TSEN34: variants seen among roughly 807,000 people sequenced by gnomAD.
TSEN34 encodes tRNA-splicing endonuclease subunit Sen34.
A neutral mutation model predicts 30.2 loss-of-function variants in TSEN34; 25 were observed. That is an observed-to-expected ratio of 0.83 (90% CI 0.60 to 1.16). The LOEUF (loss-of-function observed/expected upper bound fraction) is 1.16, where lower values mean the gene tolerates loss of function less well. TSEN34 is among the 50% of genes most tolerant of loss of function. TSEN34 has a pLI of 0.00. For synonymous variants in TSEN34, 209 were observed against 177.4 expected, an observed-to-expected ratio of 1.18 and a Z score of -1.41; for missense variants, 475 against 411.9, an observed-to-expected ratio of 1.15 and a Z score of -1.33.
At position 54,192,145 on chromosome 19, in the gene TSEN34, A is replaced by G. The variant is rs771289701; in HGVS notation, c.517A>G (p.Asn173Asp). ...GPSSSQAGPS[N>D]GVAPLPRSAL... is the part of the protein sequence containing the mutation. ...CTCGTCTTCCCAAGCAGGACCCTCA[A>G]ATGGGGTAGCCCCCTTGCCCAGATC... is the stretch of plus-strand genomic sequence containing the variant. Residue 173 changes from asparagine (N) to aspartate (D), a missense_variant, in exon 3 of 4, where the codon AAT becomes GAT. Physicochemically the swap from Asn to Asp is conservative, Grantham distance 23. Transcript: ENST00000396388. 2 of 1,614,180 alleles carry G rather than the reference A, an allele frequency of 1.2e-6. No homozygotes were observed. Among genetic ancestry groups the G allele is most frequent in the Admixed American group, 3.3e-5 (2 of 60,020 alleles).
Position 54,192,098 on chromosome 19 carries a change from C to A in TSEN34, c.488-18C>A, listed in dbSNP as rs761056180. The stretch of plus-strand genomic sequence containing the variant: ...TACCCCTTGAATTTACCAAACTCTT[C>A]TCTGTACTCCCCACCAGGCCCCTCG... On this transcript the variant is annotated intron_variant, in intron 2 of 3. Coordinates refer to ENST00000396388, the MANE Select transcript of TSEN34 (RefSeq NM_001077446.4). The A allele has an allele frequency of 1.2e-6, 2 of 1,614,122 alleles. No homozygotes were observed. The highest frequency in any genetic ancestry group is 2.2e-5 in the East Asian group (1 of 44,898).
At position 54,193,994 on chromosome 19, in the gene TSEN34, GA is replaced by G. The variant is rs2076803087; in HGVS notation, c.*633del. 3.0e-6 allele frequency: 1 copy of G among 328,032 alleles called. No homozygotes were observed. Among genetic ancestry groups the G allele is most frequent in the Admixed American group, 4.5e-5 (1 of 22,266 alleles). 20.3% of individuals were successfully genotyped at this position (328,032 alleles called of 1,614,324 possible). On this transcript the variant is annotated 3_prime_UTR_variant, in exon 4 of 4. Coordinates refer to ENST00000396388, the MANE Select transcript of TSEN34 (RefSeq NM_001077446.4). Reference sequence around the variant, plus strand: ...AGGCAGGGGGATCGCTTGAGCCCAGGAGTTTGAGACCAGCTCTGGCAACATT... The same window carrying G: ...AGGCAGGGGGATCGCTTGAGCCCAGGGTTTGAGACCAGCTCTGGCAACATT...
At chr19:54,190,317 G>C (rs779843188), upstream of TSEN34, 2 of 1,492,896 alleles carry the variant, frequency 1.3e-6, no homozygotes, top group South Asian at 2.4e-5. Context: ...CAAGGAGCGC[G>C]TGGCGCGGTG....
rs1172162108 is a variant in TSEN34, at chr19:54,193,931, G to A, written c.*569G>A. On this transcript the variant is annotated 3_prime_UTR_variant, in exon 4 of 4. Coordinates refer to ENST00000396388, the MANE Select transcript of TSEN34 (RefSeq NM_001077446.4). ...AATAAAAATATAGGCTGGGCACGAT[G>A]ACCCACACCTGTAATCCCACAGAAC... The A allele has an allele frequency of 2.0e-6, 1 of 509,110 alleles. No homozygotes were observed. The highest frequency in any genetic ancestry group is 1.9e-5 in the African/African-American group (1 of 51,802). 31.5% of individuals were successfully genotyped at this position (509,110 alleles called of 1,614,324 possible). A position where few individuals can be genotyped will look rare whatever the true frequency, so the allele number is the denominator to read the frequency against.
chr19:54,193,508 T>C lies in TSEN34; in HGVS notation c.*146T>C. ...CAGGTTTTCGAACACTACATCTTTT[T>C]TATGTTCTTCCTTGTTTCAAAGCAC... On this transcript the variant is annotated 3_prime_UTR_variant, in exon 4 of 4. Transcript: ENST00000396388. 2 of 1,543,574 alleles carry C rather than the reference T, an allele frequency of 1.3e-6. No homozygotes were observed. The highest frequency in any genetic ancestry group is 1.7e-6 in the Non-Finnish European group (2 of 1,145,600).
upstream of TSEN34, chr19:54,191,137 TGTCTCCGGCGTCTC>T (rs913443393): frequency 1.9e-4 from 258 of 1,352,996 alleles, no homozygotes; most frequent in African/African-American, 7.8e-4. Flanking sequence ...GTCGGGGGCT[TGTCTCCGGCGTCTC>T]GTCTCCGGCG....
chr19:54,189,721 G>GGGA (rs1366083976), upstream of TSEN34: 1 of 153,686 alleles, frequency 6.5e-6, no homozygotes, highest in African/African-American at 2.4e-5. Context: ...AATGAGGCGG[G>GGGA]GTCTCCCTTC....
upstream of TSEN34, chr19:54,190,488 C>T (rs2076626642): frequency 7.4e-7 from 1 of 1,350,662 alleles, no homozygotes; most frequent in Admixed American, 3.8e-5. Flanking sequence ...GGCGGGTGTC[C>T]AGGGGGCGGG....
At position 54,193,420 on chromosome 19, in the gene TSEN34, C is replaced by T. The variant is rs2076782753; in HGVS notation, c.*58C>T. 2 of 1,608,392 alleles carry T rather than the reference C, an allele frequency of 1.2e-6. No homozygotes were observed. Among genetic ancestry groups the T allele is most frequent in the Non-Finnish European group, 1.7e-6 (2 of 1,177,546 alleles). ...GCAGCAAGAGCCTTTCTGGATGTTC[C>T]CCAGCTCTTCTCTGGGAGTCTAGAA... On this transcript the variant is annotated 3_prime_UTR_variant, in exon 4 of 4. Transcript: ENST00000396388.
At position 54,193,168 on chromosome 19, in the gene TSEN34, C is replaced by T. The variant is rs766735589; in HGVS notation, c.746-7C>T. 8 of 1,612,956 alleles carry T rather than the reference C, an allele frequency of 5.0e-6. No homozygotes were observed. The highest frequency in any genetic ancestry group is 6.8e-6 in the Non-Finnish European group (8 of 1,179,956). Reference sequence around the variant, plus strand: ...TCACTGCTTCAGTGCCTCTCTCCTTCCCCCAGGTGACCCCCTCCGCTTCCA... The same window carrying T: ...TCACTGCTTCAGTGCCTCTCTCCTTTCCCCAGGTGACCCCCTCCGCTTCCA... On this transcript the variant is annotated splice_region_variant and splice_polypyrimidine_tract_variant and intron_variant, in intron 3 of 3. Transcript: ENST00000396388.
rs2076801698 is a variant in TSEN34 at position 54,193,942 on chromosome 19, G to C, written c.*580G>C. The C allele has an allele frequency of 2.1e-6, 1 of 468,438 alleles. No homozygotes were observed. Among genetic ancestry groups the C allele is most frequent in the Non-Finnish European group, 3.8e-6 (1 of 264,198 alleles). 29.0% of individuals were successfully genotyped at this position (468,438 alleles called of 1,614,324 possible). Reference sequence around the variant, plus strand: ...AGGCTGGGCACGATGACCCACACCTGTAATCCCACAGAACTTTTGGAGGCC... The same window carrying C: ...AGGCTGGGCACGATGACCCACACCTCTAATCCCACAGAACTTTTGGAGGCC... On this transcript the variant is annotated 3_prime_UTR_variant, in exon 4 of 4. Transcript: ENST00000396388.
At position 54,193,226 on chromosome 19, in the gene TSEN34, A is replaced by G. The variant is rs1389581421; in HGVS notation, c.797A>G (p.Glu266Gly). The change falls in exon 4 of 4, where the codon GAG (glutamate) becomes GGG (glycine). Residue 266 changes from glutamate to glycine, a missense_variant. By Grantham distance (98) the Glu-to-Gly change is moderately conservative. Transcript: ENST00000396388. ...TATATCGCTCAGTGCTGGGCCCCTG[A>G]GGACACCATCCCACTCCAAGACCTG... ...AHYIAQCWAP[E>G]DTIPLQDLVA... The G allele has an allele frequency of 3.1e-6, 5 of 1,613,856 alleles. No homozygotes were observed. In the Admixed American group the frequency reaches 5.0e-5, roughly 16 times the overall value.
chr19:54,190,356 A>C (rs1243301203), upstream of TSEN34: 1 of 1,527,074 alleles, frequency 6.5e-7, no homozygotes, highest in African/African-American at 1.4e-5. Context: ...CTCGACTGCG[A>C]ATTACTGTTT....
intron 2 of TSEN34, 42 bp downstream of exon 2, chr19:54,192,006 G>A (rs1011096385): frequency 6.8e-6 from 11 of 1,613,880 alleles, no homozygotes; most frequent in Admixed American, 5.0e-5. Context: ...GGGAAGGAGA[G>A]GAGAGATCTT....
At chr19:54,190,275 G>C, upstream of TSEN34, 2 of 1,264,132 alleles carry the variant, frequency 1.6e-6, no homozygotes, top group South Asian at 1.3e-5. Context: ...GGATGACGAA[G>C]TTGACGAGGG....
chr19:54,190,909 C>T (rs2076650900), upstream of TSEN34: 2 of 1,049,962 alleles, frequency 1.9e-6, no homozygotes, highest in South Asian at 3.7e-5. Flanking sequence ...TCCAGAGCTT[C>T]TGACCGCTGA....
At position 54,191,350 on chromosome 19, in the gene TSEN34, G is replaced by C. The variant is rs750015220; in HGVS notation, c.-15G>C. The C allele has an allele frequency of 1.7e-5, 26 of 1,549,344 alleles. No homozygotes were observed. In the South Asian group the frequency reaches 2.7e-4, roughly 16 times the overall value. ...TGTTTCGGTAACTGCTTTGCCTCCC[G>C]GCTCCCGCAGGAGGATGCTGGTGGT... On this transcript the variant is annotated 5_prime_UTR_variant, in exon 1 of 4. Coordinates refer to ENST00000396388, the MANE Select transcript of TSEN34 (RefSeq NM_001077446.4).
rs1340709694 is a variant in TSEN34 at position 54,191,588 on chromosome 19, A to G, written c.224A>G (p.Asp75Gly). 3 of 1,600,864 alleles carry G rather than the reference A, an allele frequency of 1.9e-6. No individual in the cohort carries two copies. Among genetic ancestry groups the G allele is most frequent in the Middle Eastern group, 1.6e-4 (1 of 6,068 alleles). Residue 75 changes from aspartate to glycine, a missense_variant, in exon 1 of 4, where the codon GAC becomes GGC. Physicochemically the swap from Asp to Gly is moderately conservative, Grantham distance 94 (BLOSUM62 -1). Coordinates refer to ENST00000396388, the MANE Select transcript of TSEN34 (RefSeq NM_001077446.4). Reference protein sequence around the residue: ...AVTLVSAPRPDSRHHSLALTS... With the variant: ...AVTLVSAPRPGSRHHSLALTS... ...ACTCTGGTCAGCGCCCCGCGTCCAG[A>G]CTCTCGGCACCACAGCCTGGTAAGG...
At chr19:54,190,214 C>G, upstream of TSEN34, 2 of 686,660 alleles carry the variant, frequency 2.9e-6, no homozygotes, top group Non-Finnish European at 4.9e-6. Context: ...GAGGGCGGGG[C>G]TTCGGTCCTG....
Sources: gnomAD v4.1 joint callset for allele counts on GRCh38, gnomAD v4.1.1 for gene constraint, MANE v1.5 for transcripts, NCBI Gene and HGNC (gene_info 2026-07-23, HGNC 2026-07-21) for gene names.